UGT2A1: variants seen among roughly 807,000 people sequenced by gnomAD.
UGT2A1 encodes UDP glucuronosyltransferase family 2 member A1 complex locus, also known as UDP-glucuronosyltransferase 2A1.
Under a neutral mutation model 45.4 loss-of-function variants are expected in UGT2A1, and 61 were observed. The observed-to-expected ratio is 1.34, with a 90% CI of 1.09 to 1.66. The LOEUF is 1.66. Ranked by LOEUF, UGT2A1 falls within the 40% of genes most tolerant of loss-of-function variation. The probability of loss-of-function intolerance (pLI) is 0.00; values close to 1 mark genes in which losing one functional copy is unlikely to be tolerated. For synonymous variants in UGT2A1, 229 were observed against 196.2 expected (o/e 1.17, Z -1.40); for missense variants, 649 against 574.3 (o/e 1.13, Z -1.33).
chr4:69,614,633 T>C (rs1223888322), intron 3 of UGT2A1, among the ~76,000 whole-genome samples: 1 of 151,786 alleles, frequency 6.6e-6, no homozygotes, highest in Non-Finnish European at 1.5e-5. Context: ...TATAGACCAA[T>C]GGAATAGAAT....
intron 3 of UGT2A1, among the ~76,000 whole-genome samples, chr4:69,630,590 G>A (rs1247558585): frequency 2.0e-5 from 3 of 152,060 alleles, no homozygotes; most frequent in Non-Finnish European, 4.4e-5. Context: ...GTCATAAACA[G>A]GGAATTATAA....
intron 3 of UGT2A1, among the ~76,000 whole-genome samples, chr4:69,601,400 A>G (rs1423302215): frequency 6.6e-6 from 1 of 151,716 alleles, no homozygotes; most frequent in East Asian, 1.9e-4. Flanking sequence ...CCGGAGTACT[A>G]CTCCTGGGTA....
chr4:69,621,772 T>C (rs573886423), intron 3 of UGT2A1, among the ~76,000 whole-genome samples: 4 of 151,944 alleles, frequency 2.6e-5, no homozygotes, highest in African/African-American at 9.6e-5. Flanking sequence ...CAACGACAGA[T>C]TGGATAAAGA....
intron 6 of UGT2A1, among the ~76,000 whole-genome samples, chr4:69,591,105 C>A (rs1419462914): frequency 1.3e-5 from 2 of 151,892 alleles, no homozygotes; most frequent in Non-Finnish European, 2.9e-5. Flanking sequence ...ATTTATAGTT[C>A]TCATTTTTTT....
At chr4:69,624,063 C>G (rs541640178) in intron 3 of UGT2A1, among the ~76,000 whole-genome samples, 3 of 151,618 alleles carry the variant, frequency 2.0e-5, no homozygotes, top group African/African-American at 7.2e-5. Context: ...CTTGTATTAT[C>G]AATTACTGAG....
At chr4:69,616,646 G>A (rs1414363943) in intron 3 of UGT2A1, among the ~76,000 whole-genome samples, 1 of 151,848 alleles carries the variant, frequency 6.6e-6, no homozygotes, top group Admixed American at 6.6e-5. Context: ...ATTAATTTGA[G>A]AGAAATGAAG....
At chr4:69,652,094 C>A (rs932972327) in intron 1 of UGT2A1, among the ~76,000 whole-genome samples, 4 of 152,122 alleles carry the variant, frequency 2.6e-5, no homozygotes, top group Non-Finnish European at 5.9e-5. Flanking sequence ...TGATGCCCCC[C>A]AGTCAAATTC....
intron 6 of UGT2A1, among the ~76,000 whole-genome samples, chr4:69,592,605 C>T (rs560959512): frequency 1.3e-5 from 2 of 152,012 alleles, no homozygotes; most frequent in South Asian, 4.1e-4. Context: ...AAGCAATGCT[C>T]ATGGTAAAAA....
At position 69,589,313 on chromosome 4, in the gene UGT2A1, C is replaced by G; in HGVS notation, c.*59G>C. The G allele has an allele frequency of 6.7e-7, 1 of 1,492,740 alleles. No individual in the cohort carries two copies. The highest frequency in any genetic ancestry group is 2.3e-5 in the Admixed American group (1 of 42,612). The allele number at this position is 1,492,740 out of a possible 1,614,324, so 92.5% of individuals were successfully genotyped here. On this transcript the variant is annotated 3_prime_UTR_variant, in exon 7 of 7. Transcript: ENST00000286604. ...CTCCTTTTGTCTGGAATTAATAGGA[C>G]TACACTACTCAGGATTTTGCCAAAC...
In UGT2A1 at chr4:69,595,159, T is replaced by C. The variant is rs1452109864; in HGVS notation, c.1084+3A>G. The C allele has an allele frequency of 6.2e-7, 1 of 1,613,750 alleles. No individual in the cohort carries two copies. Among genetic ancestry groups the C allele is most frequent in the Non-Finnish European group, 8.5e-7 (1 of 1,179,866 alleles). ...TACAGCTTTTCTTTCCCCACAGTCT[T>C]ACCAAGAAGATCATTCTGGGGTATC... On this transcript the variant is annotated splice_donor_region_variant and intron_variant, in intron 5 of 6. Transcript: ENST00000286604.
At chr4:69,645,512 A>G (rs1434469595) in intron 2 of UGT2A1, among the ~76,000 whole-genome samples, 2 of 151,552 alleles carry the variant, frequency 1.3e-5, no homozygotes, top group Non-Finnish European at 3.0e-5. Flanking sequence ...TGCTCTCCCA[A>G]TTGTGTTGCT....
chr4:69,619,013 A>C (rs1720581561), intron 3 of UGT2A1, among the ~76,000 whole-genome samples: 1 of 152,000 alleles, frequency 6.6e-6, no homozygotes, highest in South Asian at 2.1e-4. Context: ...TATGGAAAAA[A>C]GTTATATATT....
At chr4:69,634,609 T>C (rs916518180) in intron 3 of UGT2A1, among the ~76,000 whole-genome samples, 5 of 152,128 alleles carry the variant, frequency 3.3e-5, no homozygotes, top group Non-Finnish European at 5.9e-5. Context: ...AAAGTTGATT[T>C]AACAACTGAT....
intron 2 of UGT2A1, among the ~76,000 whole-genome samples, chr4:69,643,688 T>C (rs1318981845): frequency 2.6e-5 from 4 of 151,552 alleles, no homozygotes; most frequent in Non-Finnish European, 5.9e-5. Context: ...TTAGCAGAGA[T>C]TAAGGACTCA....
rs773085950 is a variant in UGT2A1, at chr4:69,647,072, G to A, written c.573C>T (p.Ser191=). Residue 191 remains serine (S), a synonymous_variant, in exon 2 of 7, where the codon TCC becomes TCT. Coordinates refer to ENST00000286604, the MANE Select transcript of UGT2A1 (RefSeq NM_001252275.3). Reference sequence around the variant, plus strand: ...GTTCTGATAAAACAGCAGGAACATAGGAAGGAGGGTATGGTACCTTCCCAC... The same window carrying A: ...GTTCTGATAAAACAGCAGGAACATAAGAAGGAGGGTATGGTACCTTCCCAC... ...KHCGKVPYPP[S]YVPAVLSELT... 6.2e-7 allele frequency: 1 copy of A among 1,612,890 alleles called. No individual in the cohort carries two copies.
At chr4:69,612,694 G>T (rs530817620) in intron 3 of UGT2A1, among the ~76,000 whole-genome samples, 1 of 151,878 alleles carries the variant, frequency 6.6e-6, no homozygotes, top group African/African-American at 2.4e-5. Context: ...GAAAGAAACC[G>T]GATTGTCACA....
At chr4:69,595,096 C>T (rs577143867) in intron 5 of UGT2A1, 66 bp downstream of exon 5, 88 of 1,561,274 alleles carry the variant, frequency 5.6e-5, no homozygotes, top group East Asian at 1.8e-4. Context: ...AATTTATTTG[C>T]TATTAAACAG....
intron 3 of UGT2A1, among the ~76,000 whole-genome samples, chr4:69,622,960 T>C (rs1720836006): frequency 6.6e-6 from 1 of 151,858 alleles, no homozygotes; most frequent in Non-Finnish European, 1.5e-5. Flanking sequence ...ACCCACTTGC[T>C]ATGGGTCATA....
At chr4:69,649,185 C>G (rs4148276) in intron 1 of UGT2A1, among the ~76,000 whole-genome samples, 34,179 of 151,996 alleles carry the variant, frequency 0.22, 4,116 homozygotes, top group Middle Eastern at 0.25. Context: ...TAAGCTCTCC[C>G]ATCACCAAAG....
Sources: gnomAD v4.1 joint callset for allele counts (sites outside exome capture counted in the v4.1 genomes callset) on GRCh38, gnomAD v4.1.1 for gene constraint, MANE v1.5 for transcripts, NCBI Gene and HGNC (gene_info 2026-07-23, HGNC 2026-07-21) for gene names.